SAV1: variants seen among roughly 807,000 people sequenced by gnomAD.
SAV1 encodes salvador family WW domain containing protein 1.
SAV1 carries 23 observed loss-of-function variants against 47.3 expected under a neutral mutation model. That is an observed-to-expected ratio of 0.49 (90% confidence interval 0.35 to 0.69). SAV1 has a LOEUF of 0.69. Ranked by LOEUF, SAV1 falls within the 30% of genes least tolerant of loss-of-function variation. SAV1 has a pLI of 0.01. For synonymous variants in SAV1, 155 were observed against 159.2 expected (o/e 0.97, Z 0.20); for missense variants, 448 against 457.4 (o/e 0.98, Z 0.19).
chr14:50,657,856 T>TCA (rs2039826261), intron 2 of SAV1, among the ~76,000 whole-genome samples: 1 of 152,170 alleles, frequency 6.6e-6, no homozygotes, highest in East Asian at 1.9e-4. Context: ...CTCTCAGCTA[T>TCA]CAGTAGATGT....
At chr14:50,638,628 T>C (rs978084716) in intron 4 of SAV1, among the ~76,000 whole-genome samples, 3 of 152,136 alleles carry the variant, frequency 2.0e-5, no homozygotes, top group African/African-American at 7.2e-5. Flanking sequence ...ATGGTGACAC[T>C]GCAGGACTGC....
rs191158310 is a variant in SAV1, at chr14:50,647,930, C to T, written c.536-2916G>A. On this transcript the variant is annotated intron_variant, in intron 2 of 4. Transcript: ENST00000324679. ...TATGCTTTTCATATGCTACAGCAAT[C>T]CCATTCCCAAATATTTACCCTAGAG... 2.8e-3 allele frequency among the ~76,000 whole-genome samples: 422 copies of T among 152,304 alleles called. 1 individual carries two copies. Among genetic ancestry groups the T allele is most frequent in the Non-Finnish European group, 5.1e-3 (347 of 68,022 alleles).
At chr14:50,656,440 A>ATTT (rs11288683) in intron 2 of SAV1, among the ~76,000 whole-genome samples, 28 of 120,588 alleles carry the variant, frequency 2.3e-4, no homozygotes, top group Non-Finnish European at 4.3e-4. Flanking sequence ...CCCCAACTGT[A>ATTT]TTTTTTTTTT....
chr14:50,642,281 G>A (rs1484883746), intron 3 of SAV1, among the ~76,000 whole-genome samples: 2 of 152,066 alleles, frequency 1.3e-5, no homozygotes, highest in African/African-American at 4.8e-5. Flanking sequence ...CTGAGGTCGG[G>A]AGTTCGAGAC....
chr14:50,644,346 T>C (rs542129925), intron 3 of SAV1, among the ~76,000 whole-genome samples: 11 of 152,346 alleles, frequency 7.2e-5, no homozygotes, highest in African/African-American at 1.9e-4. Flanking sequence ...ATGTCTGAAA[T>C]AGAATAAACA....
chr14:50,661,149 G>C (rs2039856944), intron 2 of SAV1, among the ~76,000 whole-genome samples: 1 of 152,110 alleles, frequency 6.6e-6, no homozygotes, highest in African/African-American at 2.4e-5. Context: ...TTTAACAATA[G>C]CCATTCTGAC....
chr14:50,656,205 T>C (rs1017579838), intron 2 of SAV1, among the ~76,000 whole-genome samples: 1 of 152,192 alleles, frequency 6.6e-6, no homozygotes, highest in Non-Finnish European at 1.5e-5. Flanking sequence ...CCAAAAGCCA[T>C]ATCTGACTAT....
intron 2 of SAV1, among the ~76,000 whole-genome samples, chr14:50,659,442 T>C (rs1293064238): frequency 6.6e-6 from 1 of 152,224 alleles, no homozygotes; most frequent in Non-Finnish European, 1.5e-5. Context: ...TCCACCTCCA[T>C]GTATGACTGC....
Position 50,640,774 on chromosome 14 carries a change from T to C in SAV1, c.926A>G (p.Gln309Arg), listed in dbSNP as rs769385212. The change falls in exon 4 of 5, where the codon CAG becomes CGG. Residue 309 changes from glutamine to arginine, a missense_variant. Physicochemically the swap from Gln to Arg is conservative, Grantham distance 43. Coordinates refer to ENST00000324679, the MANE Select transcript of SAV1 (RefSeq NM_021818.4). ...CTTCACAGGGGCTCGTGCGTAAACCTGAAGCCAGTCAGGAATTTCTGCAGT... is the reference window on the plus strand; with the variant it reads ...CTTCACAGGGGCTCGTGCGTAAACCCGAAGCCAGTCAGGAATTTCTGCAGT... ...YHTAEIPDWL[Q>R]VYARAPVKYD... is the part of the protein sequence containing the mutation. 6.2e-7 allele frequency: 1 copy of C among 1,613,448 alleles called. No homozygotes were observed. Among genetic ancestry groups the C allele is most frequent in the Non-Finnish European group, 8.5e-7 (1 of 1,179,672 alleles).
At chr14:50,657,917 A>G (rs1228482461) in intron 2 of SAV1, among the ~76,000 whole-genome samples, 1 of 152,230 alleles carries the variant, frequency 6.6e-6, no homozygotes, top group Non-Finnish European at 1.5e-5. Flanking sequence ...GAGATCTACC[A>G]TTATGAATAA....
At chr14:50,638,825 T>A (rs541311785) in intron 4 of SAV1, among the ~76,000 whole-genome samples, 4 of 152,344 alleles carry the variant, frequency 2.6e-5, no homozygotes, top group Non-Finnish European at 5.9e-5. Flanking sequence ...TGGAGTGCAA[T>A]GGCGCAATCT....
chr14:50,640,693 A>T lies in SAV1; in HGVS notation c.950+57T>A, dbSNP rs563288643. 539 of 1,514,818 alleles carry T rather than the reference A, an allele frequency of 3.6e-4. 10 individuals carry two copies. In the South Asian group the frequency reaches 6.4e-3, roughly 18 times the overall value. The allele number at this position is 1,514,818 out of a possible 1,614,324, so 93.8% of individuals were successfully genotyped here. On this transcript the variant is annotated intron_variant, in intron 4 of 4. Coordinates refer to ENST00000324679, the MANE Select transcript of SAV1 (RefSeq NM_021818.4). ...ACTACTTGGATCGAGCAGCCCAGAG[A>T]CTCCATTCAGCCCTTCACTCACTCC...
chr14:50,657,694 T>C lies in SAV1; in HGVS notation c.535+7485A>G, dbSNP rs75042617. Among the ~76,000 whole-genome samples, 330 of 152,340 alleles carry C rather than the reference T, an allele frequency of 2.2e-3. 1 individual carries two copies. Among genetic ancestry groups the C allele is most frequent in the Admixed American group, 4.4e-3 (67 of 15,298 alleles). Reference sequence around the variant, plus strand: ...ACCTTTCTGTAATTTCAAGTAGTCCTTGAAAGTAATAAACTGGATTCACAA... The same window carrying C: ...ACCTTTCTGTAATTTCAAGTAGTCCCTGAAAGTAATAAACTGGATTCACAA... On this transcript the variant is annotated intron_variant, in intron 2 of 4. Coordinates refer to ENST00000324679, the MANE Select transcript of SAV1 (RefSeq NM_021818.4).
chr14:50,661,921 G>C (rs573160265), intron 2 of SAV1, among the ~76,000 whole-genome samples: 2 of 152,040 alleles, frequency 1.3e-5, no homozygotes, highest in Non-Finnish European at 1.5e-5. Flanking sequence ...AGCTTTGTTC[G>C]GTTTGCTCAG....
chr14:50,665,746 AT>A (rs2039896826), intron 1 of SAV1, 127 bp from the exon 2 acceptor site: 1 of 888,528 alleles, frequency 1.1e-6, no homozygotes, highest in Admixed American at 3.1e-5. Context: ...ACAATTTTAA[AT>A]TTTGGTTTAG....
At position 50,640,759 on chromosome 14, in the gene SAV1, G is replaced by T; in HGVS notation, c.941C>A (p.Ala314Asp). Reference protein sequence around the residue: ...IPDWLQVYARAPVKYDHILKW... With the variant: ...IPDWLQVYARDPVKYDHILKW... ...TTGTAAATGTACTTACTTCACAGGG[G>T]CTCGTGCGTAAACCTGAAGCCAGTC... The change falls in exon 4 of 5, where the codon GCC (alanine) becomes GAC (aspartate). Residue 314 changes from alanine (A) to aspartate (D), a missense_variant. By Grantham distance (126) the Ala-to-Asp change is moderately radical (BLOSUM62 -2). Coordinates refer to ENST00000324679, the MANE Select transcript of SAV1 (RefSeq NM_021818.4). 6.2e-7 allele frequency: 1 copy of T among 1,612,536 alleles called. No individual in the cohort carries two copies.
At chr14:50,646,523 T>G (rs564729959) in intron 2 of SAV1, among the ~76,000 whole-genome samples, 1 of 151,920 alleles carries the variant, frequency 6.6e-6, no homozygotes, top group Non-Finnish European at 1.5e-5. Context: ...CCGTCTCTAT[T>G]AAAAACACAA....
intron 2 of SAV1, among the ~76,000 whole-genome samples, chr14:50,646,726 A>C (rs2039725546): frequency 6.6e-6 from 1 of 151,864 alleles, no homozygotes; most frequent in Admixed American, 6.6e-5. Context: ...GTTTTTGTAG[A>C]TACAGATAGT....
intron 2 of SAV1, among the ~76,000 whole-genome samples, chr14:50,649,491 T>G (rs150765248): frequency 6.6e-6 from 1 of 152,360 alleles, no homozygotes; most frequent in African/African-American, 2.4e-5. Context: ...AGACAGAAAC[T>G]GCATAAATAT....
Sources: gnomAD v4.1 joint callset for allele counts (sites outside exome capture counted in the v4.1 genomes callset) on GRCh38, gnomAD v4.1.1 for gene constraint, MANE v1.5 for transcripts, NCBI Gene and HGNC (gene_info 2026-07-23, HGNC 2026-07-21) for gene names.